CDH23: variants seen among roughly 807,000 people sequenced by gnomAD.
The protein encoded by CDH23 is cadherin related 23, also known as cadherin-23.
CDH23 carries 189 observed loss-of-function variants against 317.1 expected under a neutral mutation model. The observed-to-expected ratio is 0.60, with a 90% CI of 0.53 to 0.67. The LOEUF (loss-of-function observed/expected upper bound fraction) is 0.67. CDH23 is among the 30% of genes least tolerant of loss of function. CDH23 has a pLI of 0.00. For synonymous variants in CDH23, 1,839 were observed against 1,876.8 expected (o/e 0.98, Z 0.52); for missense variants, 4,401 against 4,592.4 (o/e 0.96, Z 1.20).
At chr10:71,435,426 C>A (rs1251409224) in intron 1 of CDH23, among the ~76,000 whole-genome samples, 3 of 152,190 alleles carry the variant, frequency 2.0e-5, no homozygotes, top group African/African-American at 7.2e-5. Flanking sequence ...GGCCCTATGT[C>A]CTCCCACTGT....
chr10:71,699,293 C>T (rs944533741), intron 22 of CDH23, among the ~76,000 whole-genome samples: 11 of 152,336 alleles, frequency 7.2e-5, no homozygotes, highest in South Asian at 2.1e-4. Flanking sequence ...TCTTCCTTGT[C>T]GGAGGTAGAC....
intron 38 of CDH23, among the ~76,000 whole-genome samples, chr10:71,776,839 T>C (rs1400163846): frequency 6.6e-6 from 1 of 152,214 alleles, no homozygotes; most frequent in East Asian, 1.9e-4. Context: ...GGCCTCCCAT[T>C]GGCCACACCC....
chr10:71,716,372 G>C (rs1204481593), intron 28 of CDH23: 1 of 1,453,968 alleles, frequency 6.9e-7, no homozygotes, highest in Non-Finnish European at 9.1e-7. Flanking sequence ...GAAGCTCAAA[G>C]GCAGATCAGC....
chr10:71,739,904 A>T, intron 36 of CDH23, 132 bp downstream of exon 36: 1 of 1,072,860 alleles, frequency 9.3e-7, no homozygotes, highest in Non-Finnish European at 1.3e-6. Context: ...ACCAAGTAAC[A>T]TGGGGCCAGC....
chr10:71,561,717 T>A (rs1857140886), intron 6 of CDH23, among the ~76,000 whole-genome samples: 1 of 152,104 alleles, frequency 6.6e-6, no homozygotes, highest in African/African-American at 2.4e-5. Flanking sequence ...ACCTGGCAGG[T>A]GCAAGAATTT....
intron 1 of CDH23, among the ~76,000 whole-genome samples, chr10:71,406,629 G>A (rs148999463): frequency 1.3e-3 from 196 of 152,184 alleles, no homozygotes; most frequent in African/African-American, 4.3e-3. Flanking sequence ...TAGGCTTGCC[G>A]GACACTTTGA....
intron 38 of CDH23, among the ~76,000 whole-genome samples, chr10:71,746,512 T>G (rs1204890570): frequency 6.6e-6 from 1 of 151,428 alleles, no homozygotes; most frequent in East Asian, 1.9e-4. Flanking sequence ...GCCGGGGGAG[T>G]CATTGTGGAG....
At chr10:71,620,961 G>A (rs145737281) in intron 11 of CDH23, among the ~76,000 whole-genome samples, 81 of 152,334 alleles carry the variant, frequency 5.3e-4, no homozygotes, top group African/African-American at 1.9e-3. Flanking sequence ...GAATGCATCA[G>A]AGGACCAGTC....
chr10:71,542,793 G>A lies in CDH23; in HGVS notation c.430-23949G>A, dbSNP rs79369807. Among the ~76,000 whole-genome samples, 42 of 152,366 alleles carry A rather than the reference G, an allele frequency of 2.8e-4. 1 individual carries two copies. In the East Asian group the frequency reaches 7.5e-3, roughly 27 times the overall value. ...CCCAGCCAGCAGGGCCAGGCTCCAG[G>A]CTGCCACACTTCAGCTCTCCCCACC... On this transcript the variant is annotated intron_variant, in intron 6 of 69. Coordinates refer to ENST00000224721, the MANE Select transcript of CDH23 (RefSeq NM_022124.6).
chr10:71,677,660 C>G lies in CDH23; in HGVS notation c.1719C>G (p.Asn573Lys). 1 of 1,574,328 alleles carries G rather than the reference C, an allele frequency of 6.4e-7. No individual in the cohort carries two copies. The highest frequency in any genetic ancestry group is 8.6e-7 in the Non-Finnish European group (1 of 1,160,174). Residue 573 changes from asparagine to lysine, a missense_variant, in exon 16 of 70, where the codon AAC becomes AAG. Physicochemically the swap from Asn to Lys is moderately conservative, Grantham distance 94. This residue lies in a region of CDH23 where 3,068 missense variants were observed against 3,203.3 expected (regional missense o/e 0.96). Transcript: ENST00000224721. ...KDAYVGALRE[N>K]EPSVTQLVRL... ...CCTACGTGGGTGCTCTGCGGGAGAA[C>G]GAGCCTTCTGTCACACAGCTGGTGC...
At chr10:71,765,566 C>G (rs1029090303) in intron 38 of CDH23, among the ~76,000 whole-genome samples, 1 of 152,160 alleles carries the variant, frequency 6.6e-6, no homozygotes, top group African/African-American at 2.4e-5. Flanking sequence ...GGGTTAATGA[C>G]CCCAGGATTG....
At chr10:71,532,344 C>T (rs1437568694) in intron 6 of CDH23, among the ~76,000 whole-genome samples, 2 of 152,240 alleles carry the variant, frequency 1.3e-5, no homozygotes, top group Admixed American at 6.5e-5. Flanking sequence ...AGGGAGAGAG[C>T]GCCTGCAACC....
rs551484182 is a variant in CDH23 at position 71,582,677 on chromosome 10, C to T, written c.832+4685C>T. ...GCCTGTGGGGGTTTAGTGAGCTGAG[C>T]CGAGTCAGCACTCAGAAGAGCACCT... On this transcript the variant is annotated intron_variant, in intron 9 of 69. Coordinates refer to ENST00000224721, the MANE Select transcript of CDH23 (RefSeq NM_022124.6). Among the ~76,000 whole-genome samples, 5 of 152,246 alleles carry T rather than the reference C, an allele frequency of 3.3e-5. No individual in the cohort carries two copies. The South Asian group carries it at 1.0e-3, about 32-fold the overall frequency.
At chr10:71,564,357 T>C (rs1357183598) in intron 6 of CDH23, among the ~76,000 whole-genome samples, 1 of 152,222 alleles carries the variant, frequency 6.6e-6, no homozygotes, top group African/African-American at 2.4e-5. Flanking sequence ...GTCAGCATTC[T>C]TTTCTCTCCA....
At chr10:71,590,897 C>A (rs146860863) in intron 9 of CDH23, among the ~76,000 whole-genome samples, 11,488 of 71,474 alleles carry the variant, frequency 0.16, 1,343 homozygotes, top group African/African-American at 0.2. Context: ...CAAAAAAAAA[C>A]AAAAAAAAAC....
At chr10:71,693,479 A>C (rs1373878808) in intron 20 of CDH23, among the ~76,000 whole-genome samples, 1 of 152,218 alleles carries the variant, frequency 6.6e-6, no homozygotes, top group African/African-American at 2.4e-5. Flanking sequence ...TGTAATTAGG[A>C]AATTATTTTA....
chr10:71,612,498 G>T (rs1225943145), intron 9 of CDH23, among the ~76,000 whole-genome samples: 1 of 152,168 alleles, frequency 6.6e-6, no homozygotes, highest in Non-Finnish European at 1.5e-5. Context: ...CATTCAACAA[G>T]GGGCTTCAGG....
chr10:71,808,783 G>A (rs1448774350), intron 60 of CDH23, among the ~76,000 whole-genome samples: 2 of 151,826 alleles, frequency 1.3e-5, no homozygotes, highest in Admixed American at 6.6e-5. Context: ...ATCCTTAAGG[G>A]CCCTGTGCCC....
chr10:71,770,136 C>A (rs1172089010), intron 38 of CDH23, among the ~76,000 whole-genome samples: 3 of 152,226 alleles, frequency 2.0e-5, no homozygotes, highest in African/African-American at 7.2e-5. Flanking sequence ...CTCCATTAGG[C>A]CCTGTAGAGA....
Sources: allele counts gnomAD v4.1 joint callset (sites outside exome capture counted in the v4.1 genomes callset), GRCh38; gene constraint gnomAD v4.1.1; regional missense constraint gnomAD v4.1.1; transcripts MANE v1.5; gene names NCBI Gene and HGNC (gene_info 2026-07-23, HGNC 2026-07-21).